Variants in ATRNL1 observed in about 807,000 individuals in gnomAD.
ATRNL1 encodes the protein attractin-like protein 1.
Under a neutral mutation model 182.7 loss-of-function variants are expected in ATRNL1, and 95 were observed. The observed-to-expected ratio is 0.52, with a 90% CI of 0.44 to 0.62. The LOEUF (loss-of-function observed/expected upper bound fraction) is 0.62, where lower values mean the gene tolerates loss of function less well. Among genes scored for constraint, ATRNL1 ranks in the 20% least tolerant of loss-of-function variants. The pLI, the probability that ATRNL1 is intolerant of heterozygous loss-of-function variation, is 0.00. For synonymous variants in ATRNL1, 576 were observed against 568.3 expected, an observed-to-expected ratio of 1.01 and a Z score of -0.19; for missense variants, 1,471 against 1,679.5, an observed-to-expected ratio of 0.88 and a Z score of 2.17.
chr10:115,164,730 C>T (rs1328161675), intron 6 of ATRNL1, among the ~76,000 whole-genome samples: 2 of 151,938 alleles, frequency 1.3e-5, no homozygotes, highest in African/African-American at 4.8e-5. Flanking sequence ...CACAGAGAGA[C>T]AAATATTGCA....
At chr10:115,201,789 G>T (rs1848590509) in intron 8 of ATRNL1, among the ~76,000 whole-genome samples, 1 of 152,096 alleles carries the variant, frequency 6.6e-6, no homozygotes, top group African/African-American at 2.4e-5. Flanking sequence ...TAGCTTGATG[G>T]GGATGGCATT....
chr10:115,621,276 T>TATAGAGAGAGAGAGAG (rs1268020830), intron 26 of ATRNL1, among the ~76,000 whole-genome samples: 40 of 47,568 alleles, frequency 8.4e-4, no homozygotes, highest in South Asian at 6.2e-3. Flanking sequence ...TATATATATA[T>TATAGAGAGAGAGAGAG]AGAGAGAGAG....
intron 19 of ATRNL1, among the ~76,000 whole-genome samples, chr10:115,384,808 A>G (rs1858239780): frequency 6.6e-6 from 1 of 151,948 alleles, no homozygotes; most frequent in East Asian, 1.9e-4. Context: ...AAAATTAAAT[A>G]GAACTTTCGT....
At chr10:115,357,761 C>CTTAACAGTACA (rs1856564524) in intron 19 of ATRNL1, among the ~76,000 whole-genome samples, 1 of 151,448 alleles carries the variant, frequency 6.6e-6, no homozygotes, top group South Asian at 2.1e-4. Flanking sequence ...TATATATTTG[C>CTTAACAGTACA]TTAACAGTAC....
At chr10:115,387,898 CTTATG>C (rs781856318) in intron 19 of ATRNL1, among the ~76,000 whole-genome samples, 6 of 152,064 alleles carry the variant, frequency 3.9e-5, no homozygotes, top group Non-Finnish European at 7.4e-5. Context: ...AAATCTACTA[CTTATG>C]TTATGATATA....
intron 26 of ATRNL1, among the ~76,000 whole-genome samples, chr10:115,639,295 C>T (rs1421163801): frequency 6.6e-6 from 1 of 152,126 alleles, no homozygotes; most frequent in African/African-American, 2.4e-5. Context: ...TTTAGAGAAA[C>T]TATCCTTCAT....
intron 8 of ATRNL1, among the ~76,000 whole-genome samples, chr10:115,208,771 A>G (rs574726237): frequency 6.6e-6 from 1 of 152,092 alleles, no homozygotes; most frequent in South Asian, 2.1e-4. Flanking sequence ...TCAGCTAAAG[A>G]CATGTGGGAC....
intron 18 of ATRNL1, among the ~76,000 whole-genome samples, chr10:115,323,206 A>G (rs1854674564): frequency 6.6e-6 from 1 of 151,986 alleles, no homozygotes; most frequent in South Asian, 2.1e-4. Flanking sequence ...ATTTTAGATT[A>G]TATAATCTGT....
At chr10:115,422,654 C>T (rs1334978139) in intron 20 of ATRNL1, among the ~76,000 whole-genome samples, 1 of 152,152 alleles carries the variant, frequency 6.6e-6, no homozygotes, top group Non-Finnish European at 1.5e-5. Flanking sequence ...AGCAGAGTTA[C>T]CATTTGACCC....
At chr10:115,178,915 A>C (rs927245738) in intron 8 of ATRNL1, among the ~76,000 whole-genome samples, 3 of 135,914 alleles carry the variant, frequency 2.2e-5, no homozygotes, top group Non-Finnish European at 3.4e-5. Flanking sequence ...TTTTATAGGT[A>C]CTCTTTTTTT....
At chr10:115,941,167 A>G (rs564138452) in intron 28 of ATRNL1, among the ~76,000 whole-genome samples, 1 of 152,368 alleles carries the variant, frequency 6.6e-6, no homozygotes, top group Non-Finnish European at 1.5e-5. Context: ...ATTGCCATTT[A>G]TGCAGATCTG....
At chr10:115,737,445 A>T (rs983033512) in intron 27 of ATRNL1, among the ~76,000 whole-genome samples, 13 of 152,038 alleles carry the variant, frequency 8.6e-5, no homozygotes, top group Non-Finnish European at 1.5e-5. Flanking sequence ...AAAAAAAAAA[A>T]AAGAAAAGTA....
chr10:115,732,847 T>A (rs1194694893), intron 27 of ATRNL1, among the ~76,000 whole-genome samples: 2 of 152,330 alleles, frequency 1.3e-5, no homozygotes, highest in East Asian at 3.9e-4. Flanking sequence ...TCATGTAGTA[T>A]ACTTTGATTC....
Position 115,373,207 on chromosome 10 carries a change from G to C in ATRNL1, c.3176-21452G>C, listed in dbSNP as rs368814440. The stretch of plus-strand genomic sequence containing the variant: ...ATAGAAATGCTGCTGATTTTTGTAT[G>C]TTCATTTTGTATCCTGGAACATTCA... On this transcript the variant is annotated intron_variant, in intron 19 of 28. Coordinates refer to ENST00000355044, the MANE Select transcript of ATRNL1 (RefSeq NM_207303.4). Among the ~76,000 whole-genome samples, 5 of 152,028 alleles carry C rather than the reference G, an allele frequency of 3.3e-5. 1 individual carries two copies. The highest frequency in any genetic ancestry group is 1.2e-4 in the African/African-American group (5 of 41,518).
chr10:115,285,871 T>C (rs1852587413), intron 14 of ATRNL1, among the ~76,000 whole-genome samples: 1 of 152,036 alleles, frequency 6.6e-6, no homozygotes, highest in African/African-American at 2.4e-5. Context: ...AGTAATCTTG[T>C]CTTATGTAAA....
At chr10:115,360,340 A>G (rs527664519) in intron 19 of ATRNL1, among the ~76,000 whole-genome samples, 1 of 151,732 alleles carries the variant, frequency 6.6e-6, no homozygotes. Context: ...TTGTTTTGAC[A>G]TAAGTCCATG....
At chr10:115,512,069 T>A (rs1414758001) in intron 24 of ATRNL1, among the ~76,000 whole-genome samples, 1 of 151,958 alleles carries the variant, frequency 6.6e-6, no homozygotes, top group Non-Finnish European at 1.5e-5. Context: ...TAAATGTAAC[T>A]TGTGTAAACA....
chr10:115,269,417 C>G (rs1030235671), intron 13 of ATRNL1, among the ~76,000 whole-genome samples: 1 of 152,114 alleles, frequency 6.6e-6, no homozygotes, highest in Non-Finnish European at 1.5e-5. Flanking sequence ...TCACTGCAAC[C>G]TCCACCTCCT....
rs549811384 is a variant in ATRNL1 at position 115,843,261 on chromosome 10, A to G, written c.3904-4616A>G. On this transcript the variant is annotated intron_variant, in intron 27 of 28. Transcript: ENST00000355044. ...ACATAGGTCCCAAAAAGGTGGCACA[A>G]GCACCGTGCTTGGACATTTCAAAGA... 3.3e-5 allele frequency among the ~76,000 whole-genome samples: 5 copies of G among 152,108 alleles called. No individual in the cohort carries two copies. The South Asian group carries it at 1.0e-3, about 31-fold the overall frequency.
Sources: gnomAD v4.1 joint callset for allele counts (sites outside exome capture counted in the v4.1 genomes callset) on GRCh38, gnomAD v4.1.1 for gene constraint, MANE v1.5 for transcripts, NCBI Gene and HGNC (gene_info 2026-07-23, HGNC 2026-07-21) for gene names.